The following PICALM variants were observed in gnomAD, a reference collection of about 807,000 sequenced individuals.
PICALM encodes the protein phosphatidylinositol binding clathrin assembly protein.
In PICALM, 40 loss-of-function variants were observed where a neutral mutation model predicts 80.5. The ratio of observed to expected loss-of-function variants is 0.50; its 90% CI spans 0.39 to 0.65. The LOEUF is 0.65. PICALM is among the 30% of genes least tolerant of loss of function. The pLI, the probability that PICALM is intolerant of heterozygous loss-of-function variation, is 0.00. For missense variants in PICALM, 676 were observed against 778.9 expected, an observed-to-expected ratio of 0.87 and a Z score of 1.57; for synonymous variants, 288 against 260.3, an observed-to-expected ratio of 1.11 and a Z score of -1.02.
At chr11:86,062,251 T>C (rs552300214) in intron 1 of PICALM, among the ~76,000 whole-genome samples, 5 of 152,178 alleles carry the variant, frequency 3.3e-5, no homozygotes, top group Non-Finnish European at 7.3e-5. Context: ...GCGCAGTGGC[T>C]CACGCCTGTA....
chr11:86,053,233 T>C (rs1380826520), intron 1 of PICALM, among the ~76,000 whole-genome samples: 6 of 152,258 alleles, frequency 3.9e-5, no homozygotes. Context: ...ATGTTAAAAC[T>C]GCAACCTAAC....
intron 17 of PICALM, among the ~76,000 whole-genome samples, chr11:85,980,370 G>A (rs2094405235): frequency 6.6e-6 from 1 of 152,126 alleles, no homozygotes; most frequent in Admixed American, 6.6e-5. Context: ...TAACACTTCT[G>A]AACTTTATTT....
At chr11:86,026,664 T>C (rs1182045137) in intron 2 of PICALM, among the ~76,000 whole-genome samples, 4 of 152,214 alleles carry the variant, frequency 2.6e-5, no homozygotes, top group Non-Finnish European at 4.4e-5. Flanking sequence ...ACTAAAACTA[T>C]AGCTAATCAT....
At chr11:86,044,551 G>A (rs1382007720) in intron 1 of PICALM, among the ~76,000 whole-genome samples, 1 of 141,002 alleles carries the variant, frequency 7.1e-6, no homozygotes, top group East Asian at 2.0e-4. Flanking sequence ...ATCACTTTAA[G>A]TGACTCAAAA....
rs1565241730 is a variant in PICALM at position 85,974,776 on chromosome 11, G to T, written c.1876C>A (p.Pro626Thr). Reference protein sequence around the residue: ...QMGSVPVMTQPTLIYSQPVMR... With the variant: ...QMGSVPVMTQTTLIYSQPVMR... ...ACAGGCTGGCTGTATATTAAGGTTG[G>T]TTGCGTCATTACAGGAACACTTCCC... The change falls in exon 19 of 20, where the codon CCA (proline) becomes ACA (threonine). Residue 626 changes from proline (P) to threonine (T), a missense_variant. This residue lies in a region of PICALM where 391 missense variants were observed against 383.6 expected (regional missense o/e 1.02). Transcript: ENST00000393346. 1 of 1,613,854 alleles carries T rather than the reference G, an allele frequency of 6.2e-7. No individual in the cohort carries two copies. Among genetic ancestry groups the T allele is most frequent in the African/African-American group, 1.3e-5 (1 of 75,014 alleles).
intron 18 of PICALM, among the ~76,000 whole-genome samples, chr11:85,975,372 C>T (rs2094244933): frequency 6.6e-6 from 1 of 152,050 alleles, no homozygotes; most frequent in South Asian, 2.1e-4. Context: ...ACAATCTCAA[C>T]CAAATATGTT....
At position 86,011,195 on chromosome 11, in the gene PICALM, G is replaced by GA. The variant is rs57263198; in HGVS notation, c.659-60dup. On this transcript the variant is annotated intron_variant, in intron 6 of 19. Coordinates refer to ENST00000393346, the MANE Select transcript of PICALM (RefSeq NM_007166.4). ...CATCAAAATATAACACCCAAAAAAG[G>GA]AAAAAAAAAGTAGGTAATAGCTCCA... The GA allele has an allele frequency of 0.18, 125,481 of 680,646 alleles. 11,799 individuals carry two copies. Among genetic ancestry groups the GA allele is most frequent in the African/African-American group, 0.25 (13,451 of 53,906 alleles). 42.2% of individuals were successfully genotyped at this position (680,646 alleles called of 1,614,324 possible). A position where few individuals can be genotyped will look rare whatever the true frequency, so the allele number is the denominator to read the frequency against.
At chr11:85,960,444 G>A (rs1252701477) in intron 19 of PICALM, among the ~76,000 whole-genome samples, 1 of 152,144 alleles carries the variant, frequency 6.6e-6, no homozygotes, top group Non-Finnish European at 1.5e-5. Context: ...CATTTACTGT[G>A]AGCAGTGGAT....
chr11:85,993,972 G>A (rs2094879477), intron 12 of PICALM, among the ~76,000 whole-genome samples: 1 of 151,692 alleles, frequency 6.6e-6, no homozygotes, highest in African/African-American at 2.4e-5. Context: ...CTCCTGCCTT[G>A]GTCTCCTAAA....
In PICALM at chr11:85,990,366, T is replaced by C; in HGVS notation, c.1292A>G (p.Asp431Gly). 1 of 1,608,270 alleles carries C rather than the reference T, an allele frequency of 6.2e-7. No individual in the cohort carries two copies. The highest frequency in any genetic ancestry group is 8.5e-7 in the Non-Finnish European group (1 of 1,175,416). ...PFSATVDAVD[D>G]AIPSLNPFLT... ...GAAAGGATTTAAGCTTGGAATGGCA[T>C]CATCAACAGCATCTACAGTAGCAGA... The change falls in exon 13 of 20, where the codon GAT (aspartate) becomes GGT (glycine). Residue 431 changes from aspartate (D) to glycine (G), a missense_variant. Asp to Gly is a moderately conservative substitution (Grantham distance 94, BLOSUM62 -1). Coordinates refer to ENST00000393346, the MANE Select transcript of PICALM (RefSeq NM_007166.4).
chr11:86,054,902 G>C (rs2096246112), intron 1 of PICALM, among the ~76,000 whole-genome samples: 2 of 152,086 alleles, frequency 1.3e-5, no homozygotes, highest in East Asian at 1.9e-4. Context: ...CTCCCAAAGT[G>C]CTGGGATTAC....
At chr11:86,061,923 T>G (rs918303343) in intron 1 of PICALM, among the ~76,000 whole-genome samples, 1 of 151,102 alleles carries the variant, frequency 6.6e-6, no homozygotes, top group Non-Finnish European at 1.5e-5. Flanking sequence ...AATAGTCAAG[T>G]GCAAAAGAAA....
intron 1 of PICALM, among the ~76,000 whole-genome samples, chr11:86,049,354 C>G (rs561546599): frequency 5.3e-4 from 80 of 152,246 alleles, no homozygotes; most frequent in African/African-American, 1.9e-3. Context: ...ATGCAACTAT[C>G]CAGTTAACTT....
At chr11:85,976,774 G>T (rs2094296319) in intron 17 of PICALM, 92 bp from the exon 18 acceptor site, 3 of 742,188 alleles carry the variant, frequency 4.0e-6, no homozygotes, top group Non-Finnish European at 2.4e-6. Context: ...CCACTAAAAA[G>T]AATTGCTAAG....
In PICALM at chr11:86,066,755, AAAAC is replaced by A. The variant is rs1392845795; in HGVS notation, c.130+1892_130+1895del. On this transcript the variant is annotated intron_variant, in intron 1 of 19. Transcript: ENST00000393346. ...TCTTCATACTCCCATACAAAAAAAA[AAAAC>A]AAAAAAAAACCAAAAGCAACTAACA... is the stretch of plus-strand genomic sequence containing the variant. Among the ~76,000 whole-genome samples, 25 of 151,660 alleles carry A rather than the reference AAAAC, an allele frequency of 1.6e-4. No individual in the cohort carries two copies. In the South Asian group the frequency reaches 5.0e-3, roughly 30 times the overall value.
At chr11:85,996,663 A>G (rs2094972518) in intron 12 of PICALM, among the ~76,000 whole-genome samples, 163 bp downstream of exon 12, 1 of 152,208 alleles carries the variant, frequency 6.6e-6, no homozygotes, top group Admixed American at 6.5e-5. Context: ...ATTATTTATA[A>G]TAAATGAACA....
chr11:85,997,392 A>C (rs1464672705), intron 11 of PICALM, among the ~76,000 whole-genome samples: 1 of 152,248 alleles, frequency 6.6e-6, no homozygotes, highest in African/African-American at 2.4e-5. Context: ...ACTATGTATC[A>C]ATGATACAGG....
At chr11:85,982,706 C>A (rs573032487) in intron 14 of PICALM, among the ~76,000 whole-genome samples, 19 of 151,588 alleles carry the variant, frequency 1.3e-4, no homozygotes, top group African/African-American at 1.9e-4. Context: ...GGATTACAGG[C>A]GTGAGCCACC....
intron 8 of PICALM, 105 bp from the exon 9 acceptor site, chr11:86,003,556 T>TG: frequency 3.6e-6 from 2 of 554,086 alleles, no homozygotes; most frequent in South Asian, 3.5e-5. Context: ...AGGTATGTTC[T>TG]TCATGTACTA....
Sources: allele counts gnomAD v4.1 joint callset (sites outside exome capture counted in the v4.1 genomes callset), GRCh38; gene constraint gnomAD v4.1.1; regional missense constraint gnomAD v4.1.1; transcripts MANE v1.5; gene names NCBI Gene and HGNC (gene_info 2026-07-23, HGNC 2026-07-21).